SLC4A2: variants seen among roughly 807,000 people sequenced by gnomAD.
The protein encoded by SLC4A2 is anion exchange protein 2.
In SLC4A2, 36 loss-of-function variants were observed where a neutral mutation model predicts 115.0. The observed-to-expected ratio is 0.31, with a 90% confidence interval of 0.24 to 0.41. The LOEUF is 0.41. Ranked by LOEUF, SLC4A2 falls within the 10% of genes least tolerant of loss-of-function variation. The pLI, the probability that SLC4A2 is intolerant of heterozygous loss-of-function variation, is 1.00. For synonymous variants in SLC4A2, 708 were observed against 708.3 expected, an observed-to-expected ratio of 1.00 and a Z score of 0.01; for missense variants, 1,252 against 1,705.6, an observed-to-expected ratio of 0.73 and a Z score of 4.68.
rs1038026252 is a variant in SLC4A2 at position 151,067,916 on chromosome 7, G to A, written c.1009G>A (p.Glu337Lys). The change falls in exon 8 of 23, where the codon GAG becomes AAG. Residue 337 changes from glutamate (E) to lysine (K), a missense_variant. Coordinates refer to ENST00000413384, the MANE Select transcript of SLC4A2 (RefSeq NM_003040.4). The stretch of plus-strand genomic sequence containing the variant: ...TGAGTTGCTCCTGGACAAAAACCAG[G>A]AGCCCCAGTGGCGGGAGACAGCTCG... ...LNELLLDKNQ[E>K]PQWRETARWI... The A allele has an allele frequency of 1.2e-6, 2 of 1,611,288 alleles. No homozygotes were observed. Among genetic ancestry groups the A allele is most frequent in the African/African-American group, 1.3e-5 (1 of 74,726 alleles).
In SLC4A2 at chr7:151,074,794, C is replaced by T. The variant is rs770391759; in HGVS notation, c.3000C>T (p.Pro1000=). The T allele has an allele frequency of 8.1e-6, 13 of 1,613,460 alleles. No homozygotes were observed. Among genetic ancestry groups the T allele is most frequent in the Admixed American group, 3.3e-5 (2 of 59,938 alleles). Residue 1000 remains proline, a synonymous_variant, in exon 19 of 23, where the codon CCC becomes CCT. Transcript: ENST00000413384. ...GGATGATGGTTGCCAGCCTGCTGCC[C>T]GCCATCCTGGTCTTCATTCTCATCT... ...PVWMMVASLL[P]AILVFILIFM... is the part of the protein sequence containing the mutation.
intron 16 of SLC4A2, among the ~76,000 whole-genome samples, chr7:151,073,144 C>T (rs941605395): frequency 3.3e-5 from 5 of 152,088 alleles, no homozygotes; most frequent in Non-Finnish European, 7.4e-5. Context: ...AAGAGGCCTG[C>T]CTAGATTGCC....
chr7:151,063,310 C>G, intron 2 of SLC4A2: 1 of 774,968 alleles, frequency 1.3e-6, no homozygotes, highest in Non-Finnish European at 1.9e-6. Context: ...CCGGTCCCTG[C>G]GGGGCTGGGT....
At chr7:151,075,896 A>C in intron 21 of SLC4A2, 117 bp from the exon 22 acceptor site, 1 of 1,421,922 alleles carries the variant, frequency 7.0e-7, no homozygotes, top group South Asian at 1.3e-5. Context: ...TCCTCTCTGT[A>C]CCAACCCAGC....
chr7:151,068,079 C>T (rs1454335494), intron 8 of SLC4A2, 25 bp downstream of exon 8: 3 of 1,426,802 alleles, frequency 2.1e-6, no homozygotes, highest in South Asian at 1.6e-5. Context: ...CTCCACCTCC[C>T]GCCTGGCCAG....
chr7:151,075,792 C>A lies in SLC4A2; in HGVS notation c.3471+17C>A. ...GTCAAGAAGGTGAGCCCCCCAGCTC[C>A]CCACCGGAAGGGGTGTGCCTCTGGC... On this transcript the variant is annotated intron_variant, in intron 21 of 22. Coordinates refer to ENST00000413384, the MANE Select transcript of SLC4A2 (RefSeq NM_003040.4). The A allele has an allele frequency of 1.9e-6, 3 of 1,594,446 alleles. No individual in the cohort carries two copies. In the South Asian group the frequency reaches 3.3e-5, roughly 18 times the overall value.
chr7:151,059,545 C>CGCT (rs28362470), upstream of SLC4A2: 2 of 151,460 alleles, frequency 1.3e-5, no homozygotes, highest in African/African-American at 4.8e-5. This position sits in a 1 kb window ranked among gnomAD's most constrained non-coding sequence, Gnocchi z 5.8. Flanking sequence ...CTCCCGCCTC[C>CGCT]CCACCCGCGA....
Position 151,060,510 on chromosome 7 carries a change from G to A in SLC4A2, c.-64+748G>A, listed in dbSNP as rs1797009980. Among the ~76,000 whole-genome samples, 1 of 152,204 alleles carries A rather than the reference G, an allele frequency of 6.6e-6. No homozygotes were observed. Among genetic ancestry groups the A allele is most frequent in the Admixed American group, 6.5e-5 (1 of 15,290 alleles). On this transcript the variant is annotated intron_variant, in intron 1 of 22. Coordinates refer to ENST00000413384, the MANE Select transcript of SLC4A2 (RefSeq NM_003040.4). The surrounding 1 kb of genome is among the most constrained non-coding windows in gnomAD (Gnocchi z 5.9). ...GATACTAATCCTCTGGGCCGGTCGG[G>A]GCTGGTCCCGGGAATGTGCCCCTAC... is the stretch of plus-strand genomic sequence containing the variant.
chr7:151,070,559 G>T lies in SLC4A2; in HGVS notation c.1552G>T (p.Val518Leu). ...EKIPENAEAT[V>L]VLVGCVEFLS... is the part of the protein sequence containing the mutation. ...GATTCCTGAGAATGCCGAGGCCACG[G>T]TGGTCCTTGTGGGTATGTGGGGCAG... is the stretch of plus-strand genomic sequence containing the variant. The change falls in exon 11 of 23, where the codon GTG becomes TTG. Residue 518 changes from valine to leucine, a missense_variant. This residue lies in a region of SLC4A2 where 87 missense variants were observed against 170.3 expected (regional missense o/e 0.51). Transcript: ENST00000413384. The T allele has an allele frequency of 1.9e-6, 3 of 1,613,326 alleles. No individual in the cohort carries two copies. The highest frequency in any genetic ancestry group is 2.5e-6 in the Non-Finnish European group (3 of 1,179,732).
intron 16 of SLC4A2, among the ~76,000 whole-genome samples, chr7:151,072,446 T>A (rs1022795026): frequency 2.7e-5 from 4 of 150,424 alleles, no homozygotes; most frequent in Non-Finnish European, 5.9e-5. Context: ...TGTGCACCGC[T>A]ATACCTGGCT....
intron 2 of SLC4A2, 36 bp downstream of exon 2, chr7:151,062,074 C>T (rs1797067588): frequency 6.3e-7 from 1 of 1,586,736 alleles, no homozygotes; most frequent in South Asian, 1.1e-5. Context: ...CCCAACCTTC[C>T]CTCCCTGGGC....
Position 151,076,467 on chromosome 7 carries a change from A to G in SLC4A2, c.*100A>G. 2 of 1,014,068 alleles carry G rather than the reference A, an allele frequency of 2.0e-6. No homozygotes were observed. Among genetic ancestry groups the G allele is most frequent in the Non-Finnish European group, 2.8e-6 (2 of 721,392 alleles). 62.8% of individuals were successfully genotyped at this position (1,014,068 alleles called of 1,614,324 possible). A position where few individuals can be genotyped will look rare whatever the true frequency, so the allele number is the denominator to read the frequency against. On this transcript the variant is annotated 3_prime_UTR_variant, in exon 23 of 23. Coordinates refer to ENST00000413384, the MANE Select transcript of SLC4A2 (RefSeq NM_003040.4). ...CCCTCCCTCCTTTTTATTTAAGTGAATAATTTAAAGTCTTCTCCTCCCCCA... is the reference window on the plus strand; with the variant it reads ...CCCTCCCTCCTTTTTATTTAAGTGAGTAATTTAAAGTCTTCTCCTCCCCCA...
upstream of SLC4A2, chr7:151,059,278 T>A (rs1279821340): frequency 6.6e-6 from 1 of 152,130 alleles, no homozygotes; most frequent in Non-Finnish European, 1.5e-5. The surrounding 1 kb of genome is among the most constrained non-coding windows in gnomAD (Gnocchi z 5.8). Context: ...ACGGGGGTTA[T>A]TGAGGGGGGC....
intron 16 of SLC4A2, 90 bp downstream of exon 16, chr7:151,072,226 C>T (rs1432133806): frequency 4.2e-6 from 5 of 1,184,140 alleles, no homozygotes; most frequent in Non-Finnish European, 6.1e-6. Context: ...GGATTTGAGG[C>T]CAGGCTGGTC....
chr7:151,060,761 G>A lies in SLC4A2; in HGVS notation c.-64+999G>A, dbSNP rs1797018361. Among the ~76,000 whole-genome samples, 1 of 152,184 alleles carries A rather than the reference G, an allele frequency of 6.6e-6. No individual in the cohort carries two copies. The highest frequency in any genetic ancestry group is 1.5e-5 in the Non-Finnish European group (1 of 68,010). ...GGCTGAAGGCCTGCTGAGGGGGAGGGGAAGAGCGTGGTTAGCCAAGTTGGA... is the reference window on the plus strand; with the variant it reads ...GGCTGAAGGCCTGCTGAGGGGGAGGAGAAGAGCGTGGTTAGCCAAGTTGGA... On this transcript the variant is annotated intron_variant, in intron 1 of 22. Transcript: ENST00000413384. This position sits in a 1 kb window ranked among gnomAD's most constrained non-coding sequence, Gnocchi z 5.9.
At chr7:151,070,419 G>A (rs113716223) in intron 10 of SLC4A2, 38 bp from the exon 11 acceptor site, 4 of 1,611,706 alleles carry the variant, frequency 2.5e-6, no homozygotes, top group Non-Finnish European at 3.4e-6. Flanking sequence ...CAGAGTGGGA[G>A]GGGCCTGGCT....
chr7:151,069,973 C>G lies in SLC4A2; in HGVS notation c.1174C>G (p.Gln392Glu), dbSNP rs1435955260. The G allele has an allele frequency of 1.1e-5, 18 of 1,614,058 alleles. No individual in the cohort carries two copies. The highest frequency in any genetic ancestry group is 1.4e-5 in the Non-Finnish European group (17 of 1,180,034). The change falls in exon 9 of 23, where the codon CAG becomes GAG. Residue 392 changes from glutamine (Q) to glutamate (E), a missense_variant. Physicochemically the swap from Gln to Glu is conservative, Grantham distance 29. Transcript: ENST00000413384. ...HGAVLLDLDQ[Q>E]TLPGVAHQVV... is the part of the protein sequence containing the mutation. Reference sequence around the variant, plus strand: ...GGCTGTGCTCTTGGATCTGGACCAGCAGACCCTGCCCGGAGTGGCCCACCA... The same window carrying G: ...GGCTGTGCTCTTGGATCTGGACCAGGAGACCCTGCCCGGAGTGGCCCACCA...
chr7:151,067,975 G>C lies in SLC4A2; in HGVS notation c.1068G>C (p.Glu356Asp), dbSNP rs762907091. The change falls in exon 8 of 23, where the codon GAG becomes GAC. Residue 356 changes from glutamate (E) to aspartate (D), a missense_variant. Glu to Asp is a conservative substitution (Grantham distance 45). Transcript: ENST00000413384. Reference sequence around the variant, plus strand: ...AATTTGAAGAGGACGTGGAGGAGGAGACTGAGCGCTGGGGGAAGCCCCACG... The same window carrying C: ...AATTTGAAGAGGACGTGGAGGAGGACACTGAGCGCTGGGGGAAGCCCCACG... ...WIKFEEDVEE[E>D]TERWGKPHVA... is the part of the protein sequence containing the mutation. The C allele has an allele frequency of 1.9e-6, 3 of 1,610,164 alleles. No individual in the cohort carries two copies. The highest frequency in any genetic ancestry group is 1.7e-5 in the Admixed American group (1 of 59,076).
intron 19 of SLC4A2, 125 bp downstream of exon 19, chr7:151,074,966 T>G (rs1797567059): frequency 4.0e-6 from 4 of 1,011,532 alleles, no homozygotes; most frequent in Non-Finnish European, 5.7e-6. Flanking sequence ...GATGCCCAGA[T>G]GGCCACAGTT....
Sources: gnomAD v4.1 joint callset for allele counts (sites outside exome capture counted in the v4.1 genomes callset) on GRCh38, gnomAD v4.1.1 for gene constraint, gnomAD v4.1.1 regional missense constraint, Gnocchi (gnomAD v3.1) non-coding constraint, MANE v1.5 for transcripts, NCBI Gene and HGNC (gene_info 2026-07-23, HGNC 2026-07-21) for gene names.